The following PICALM variants were observed in gnomAD, a reference collection of about 807,000 sequenced individuals.
PICALM encodes the protein phosphatidylinositol binding clathrin assembly protein.
Under a neutral mutation model 80.5 loss-of-function variants are expected in PICALM, and 40 were observed. The ratio of observed to expected loss-of-function variants is 0.50; its 90% CI spans 0.39 to 0.65. The LOEUF (loss-of-function observed/expected upper bound fraction) is 0.65, where lower values mean the gene tolerates loss of function less well. PICALM is among the 30% of genes least tolerant of loss of function. The probability of loss-of-function intolerance (pLI) is 0.00; values close to 1 mark genes in which losing one functional copy is unlikely to be tolerated. For synonymous variants in PICALM, 288 were observed against 260.3 expected, an observed-to-expected ratio of 1.11 and a Z score of -1.02; for missense variants, 676 against 778.9, an observed-to-expected ratio of 0.87 and a Z score of 1.57.
chr11:85,971,003 G>A (rs1211490355), intron 19 of PICALM, among the ~76,000 whole-genome samples: 1 of 152,082 alleles, frequency 6.6e-6, no homozygotes, highest in Admixed American at 6.5e-5. Context: ...GGAGAAGGGT[G>A]GGTCTAATTA....
intron 4 of PICALM, among the ~76,000 whole-genome samples, chr11:86,021,497 AG>A (rs368936765): frequency 6.6e-4 from 98 of 149,618 alleles, no homozygotes; most frequent in African/African-American, 2.1e-3. Context: ...CTACCATTTA[AG>A]AAAAAAAAAA....
intron 5 of PICALM, among the ~76,000 whole-genome samples, chr11:86,013,123 ACAG>A (rs923036776): frequency 6.6e-6 from 1 of 152,090 alleles, no homozygotes; most frequent in Non-Finnish European, 1.5e-5. Context: ...CCTGGGCAAC[ACAG>A]CAAGACCTTG....
chr11:85,975,113 TAA>T (rs1342008199), intron 18 of PICALM, among the ~76,000 whole-genome samples: 1 of 152,184 alleles, frequency 6.6e-6, no homozygotes, highest in Non-Finnish European at 1.5e-5. Flanking sequence ...TGATTAAGAC[TAA>T]GAGTTTCCAA....
At chr11:85,997,101 G>A (rs1019611379) in intron 11 of PICALM, among the ~76,000 whole-genome samples, 172 bp from the exon 12 acceptor site, 1 of 152,032 alleles carries the variant, frequency 6.6e-6, no homozygotes, top group Non-Finnish European at 1.5e-5. Context: ...TTTCTAAGGA[G>A]GCTTGGAAAA....
At chr11:86,059,428 G>A (rs2096321349) in intron 1 of PICALM, among the ~76,000 whole-genome samples, 2 of 152,224 alleles carry the variant, frequency 1.3e-5, no homozygotes. Flanking sequence ...GGACTGACAG[G>A]ACCAGGGGGA....
intron 1 of PICALM, among the ~76,000 whole-genome samples, chr11:86,061,351 AAAAAG>A (rs1565603711): frequency 2.1e-5 from 3 of 144,878 alleles, no homozygotes; most frequent in African/African-American, 7.7e-5. Flanking sequence ...AAAAAAAAAA[AAAAAG>A]AAAAGAAAAG....
chr11:85,960,611 GTTTAATGTTTGGTAATTGTT>G, intron 19 of PICALM: 1 of 653,410 alleles, frequency 1.5e-6, no homozygotes, highest in South Asian at 1.5e-5. Context: ...CGTGAATTGT[GTTTAATGTTTGGTAATTGTT>G]TTTAAGTATT....
In PICALM at chr11:86,056,134, T is replaced by TAAAAAAAAAAAAAAAAAAAAAAAAAAAA. The variant is rs376759395; in HGVS notation, c.130+12516_130+12517insTTTTTTTTTTTTTTTTTTTTTTTTTTTT. 3.9e-5 allele frequency among the ~76,000 whole-genome samples: 3 copies of TAAAAAAAAAAAAAAAAAAAAAAAAAAAA among 76,818 alleles called. 1 individual carries two copies. The highest frequency in any genetic ancestry group is 5.3e-5 in the Non-Finnish European group (2 of 38,094). 50.4% of individuals were successfully genotyped at this position (76,818 alleles called of 152,430 possible). On this transcript the variant is annotated intron_variant, in intron 1 of 19. Coordinates refer to ENST00000393346, the MANE Select transcript of PICALM (RefSeq NM_007166.4). ...TGGGTGACAGAACAAGACTCTGTCT[T>TAAAAAAAAAAAAAAAAAAAAAAAAAAAA]TAAAAAAAAAAAAAAAGAAAAAACC... is the stretch of plus-strand genomic sequence containing the variant.
At chr11:85,960,277 G>A (rs1045738589) in intron 19 of PICALM, among the ~76,000 whole-genome samples, 2 of 152,132 alleles carry the variant, frequency 1.3e-5, no homozygotes, top group African/African-American at 4.8e-5. Context: ...GATCTAGAAG[G>A]TATATCTAAA....
At chr11:86,007,829 T>C (rs951558417) in intron 7 of PICALM, among the ~76,000 whole-genome samples, 1 of 152,068 alleles carries the variant, frequency 6.6e-6, no homozygotes, top group South Asian at 2.1e-4. Flanking sequence ...ACCATCCCTG[T>C]CTTCTGAACA....
At chr11:85,992,274 G>A (rs1012663294) in intron 12 of PICALM, among the ~76,000 whole-genome samples, 5 of 136,850 alleles carry the variant, frequency 3.7e-5, no homozygotes, top group African/African-American at 1.4e-4. Context: ...GAAAGTTCTG[G>A]GTGTGTTTTG....
intron 19 of PICALM, among the ~76,000 whole-genome samples, chr11:85,974,018 T>C (rs781741956): frequency 1.1e-4 from 17 of 152,188 alleles, no homozygotes; most frequent in Middle Eastern, 3.4e-3. Context: ...GAATTTCCTA[T>C]ATCTTCTAAC....
intron 1 of PICALM, among the ~76,000 whole-genome samples, chr11:86,051,181 G>T (rs1417558769): frequency 1.3e-5 from 2 of 152,110 alleles, no homozygotes; most frequent in Non-Finnish European, 2.9e-5. Context: ...TCTGGTATTC[G>T]TTTCCAAAGG....
At chr11:86,058,327 T>C (rs777928942) in intron 1 of PICALM, among the ~76,000 whole-genome samples, 3 of 152,168 alleles carry the variant, frequency 2.0e-5, no homozygotes, top group Non-Finnish European at 4.4e-5. Context: ...AATTAAAATA[T>C]GACAATTGAG....
intron 1 of PICALM, among the ~76,000 whole-genome samples, chr11:86,062,550 A>G (rs977717787): frequency 6.6e-6 from 1 of 152,004 alleles, no homozygotes; most frequent in African/African-American, 2.4e-5. Flanking sequence ...TAAACCATGG[A>G]CTTTGGGTGG....
intron 1 of PICALM, among the ~76,000 whole-genome samples, chr11:86,036,692 G>A (rs941085418): frequency 2.6e-5 from 4 of 152,130 alleles, no homozygotes; most frequent in African/African-American, 9.7e-5. Flanking sequence ...GAAATACTAT[G>A]AGGCCAACGA....
At chr11:85,988,712 T>C (rs2094662649) in intron 13 of PICALM, among the ~76,000 whole-genome samples, 2 of 152,036 alleles carry the variant, frequency 1.3e-5, no homozygotes, top group Non-Finnish European at 2.9e-5. Context: ...GGAACAGTTA[T>C]GAGTGGGATG....
chr11:86,008,583 G>A (rs1319734527), intron 7 of PICALM, among the ~76,000 whole-genome samples: 7 of 151,416 alleles, frequency 4.6e-5, no homozygotes, highest in African/African-American at 9.7e-5. Flanking sequence ...TTGCTCCACC[G>A]CACTCCAGCC....
chr11:86,059,540 CTTATAATCCCAGCACT>C (rs1244268144), intron 1 of PICALM, among the ~76,000 whole-genome samples: 1 of 152,204 alleles, frequency 6.6e-6, no homozygotes, highest in Non-Finnish European at 1.5e-5. Context: ...GTGGCTCACA[CTTATAATCCCAGCACT>C]TTGGGAGGCC....
Sources: gnomAD v4.1 joint callset for allele counts (sites outside exome capture counted in the v4.1 genomes callset) on GRCh38, gnomAD v4.1.1 for gene constraint, MANE v1.5 for transcripts, NCBI Gene and HGNC (gene_info 2026-07-23, HGNC 2026-07-21) for gene names.